The following ZNF66 variants were observed in gnomAD, a reference collection of about 807,000 sequenced individuals.
ZNF66 encodes zinc finger protein 66.
A neutral mutation model predicts 35.2 loss-of-function variants in ZNF66; 32 were observed. The observed-to-expected ratio is 0.91, with a 90% CI of 0.69 to 1.22. The LOEUF (loss-of-function observed/expected upper bound fraction) is 1.22. ZNF66 is among the 50% of genes most tolerant of loss of function. The pLI is 0.00. For synonymous variants in ZNF66, 231 were observed against 181.3 expected (o/e 1.27, Z -2.20); for missense variants, 666 against 543.1 (o/e 1.23, Z -2.25).
At chr19:20,789,194 A>G (rs950719578) in intron 1 of ZNF66, among the ~76,000 whole-genome samples, 4 of 152,150 alleles carry the variant, frequency 2.6e-5, no homozygotes, top group African/African-American at 9.7e-5. Flanking sequence ...CTTTTAGGTA[A>G]CCTTTGAAAA....
chr19:20,805,593 C>T (rs1337730767), intron 3 of ZNF66, among the ~76,000 whole-genome samples: 2 of 151,834 alleles, frequency 1.3e-5, no homozygotes, highest in East Asian at 3.9e-4. Context: ...TGGCTCTTTG[C>T]ATTGTACTCA....
chr19:20,805,745 T>C, intron 3 of ZNF66, 82 bp from the exon 4 acceptor site: 1 of 450,530 alleles, frequency 2.2e-6, no homozygotes, highest in Non-Finnish European at 4.0e-6. Context: ...ATGTAGTTTG[T>C]ATAATTTTAT....
At position 20,807,091 on chromosome 19, in the gene ZNF66, T is replaced by G. The variant is rs1165305022; in HGVS notation, c.1491T>G (p.Thr497=). The G allele has an allele frequency of 3.8e-6, 3 of 794,084 alleles. No individual in the cohort carries two copies. Among genetic ancestry groups the G allele is most frequent in the Non-Finnish European group, 6.8e-6 (3 of 441,836 alleles). The allele number at this position is 794,084 out of a possible 1,614,324, so 49.2% of individuals were successfully genotyped here. The change falls in exon 4 of 4, where the codon ACT becomes ACG. Residue 497 remains threonine, a synonymous_variant. Transcript: ENST00000344519. ...GKAFKCSSIL[T]THKRIHTADK... is the part of the protein sequence containing the mutation. ...CCTTTAAGTGCTCCTCTATTCTTAC[T>G]ACACATAAGAGAATTCATACTGCAG...
intron 3 of ZNF66, among the ~76,000 whole-genome samples, chr19:20,796,091 A>G (rs1971389269): frequency 6.6e-6 from 1 of 152,140 alleles, no homozygotes; most frequent in African/African-American, 2.4e-5. Flanking sequence ...GTCTTGCTAC[A>G]TAACCCAGGC....
In ZNF66 at chr19:20,809,815, A is replaced by C. The variant is rs143135359; in HGVS notation, c.*2493A>C. Among the ~76,000 whole-genome samples the C allele has an allele frequency of 3.7e-3, 562 of 152,272 alleles. 11 individuals are homozygous for C. The highest frequency in any genetic ancestry group is 0.033 in the South Asian group (159 of 4,820). On this transcript the variant is annotated 3_prime_UTR_variant, in exon 4 of 4. Coordinates refer to ENST00000344519, the MANE Select transcript of ZNF66 (RefSeq NM_001355197.2). ...AGCTAACATCATAATGACAGCATCA[A>C]ATTCTCACATAACAATATTAGCTTT...
rs184207193 is a variant in ZNF66, at chr19:20,793,834, A to T, written c.182A>T (p.Lys61Ile). ...ATCACCCATCTGGAGCAAGGAAAAA[A>T]ACCTTCGACTATGCAGAGACATGAG... is the stretch of plus-strand genomic sequence containing the variant. ...DLITHLEQGK[K>I]PSTMQRHEMV... is the part of the protein sequence containing the mutation. Residue 61 changes from lysine (K) to isoleucine (I), a missense_variant, in exon 3 of 4, where the codon AAA (lysine) becomes ATA (isoleucine). Coordinates refer to ENST00000344519, the MANE Select transcript of ZNF66 (RefSeq NM_001355197.2). 1.7e-6 allele frequency: 2 copies of T among 1,171,158 alleles called. No homozygotes were observed. The highest frequency in any genetic ancestry group is 2.4e-6 in the Non-Finnish European group (2 of 834,000). The allele number at this position is 1,171,158 out of a possible 1,614,324, so 72.5% of individuals were successfully genotyped here. A position where few individuals can be genotyped will look rare whatever the true frequency, so the allele number is the denominator to read the frequency against.
intron 1 of ZNF66, among the ~76,000 whole-genome samples, chr19:20,786,661 A>G (rs1176294318): frequency 2.9e-5 from 2 of 69,878 alleles, no homozygotes; most frequent in African/African-American, 8.9e-5. Flanking sequence ...AAGTGCAGTT[A>G]CATCTTTATC....
Position 20,806,658 on chromosome 19 carries a change from C to G in ZNF66, c.1058C>G (p.Ser353Cys), listed in dbSNP as rs753221080. The G allele has an allele frequency of 7.0e-5, 107 of 1,520,822 alleles. No individual in the cohort carries two copies. The highest frequency in any genetic ancestry group is 1.7e-4 in the Admixed American group (10 of 59,816). The allele number at this position is 1,520,822 out of a possible 1,614,324, so 94.2% of individuals were successfully genotyped here. ...CEECGKGFKYSSTLTKHKIIH... is the reference protein window; with the variant it reads ...CEECGKGFKYCSTLTKHKIIH... ...GAATGTGGCAAAGGCTTTAAGTACT[C>G]CTCTACCCTTACTAAACATAAAATA... is the stretch of plus-strand genomic sequence containing the variant. The change falls in exon 4 of 4, where the codon TCC becomes TGC. Residue 353 changes from serine (S) to cysteine (C), a missense_variant. Transcript: ENST00000344519.
intron 3 of ZNF66, chr19:20,794,222 T>A (rs1971370317): frequency 7.9e-6 from 2 of 253,514 alleles, no homozygotes; most frequent in Non-Finnish European, 1.5e-5. Flanking sequence ...TTCCTAATTT[T>A]GAGAAACTGA....
intron 1 of ZNF66, among the ~76,000 whole-genome samples, chr19:20,789,191 G>A (rs1199932947): frequency 6.6e-6 from 1 of 152,138 alleles, no homozygotes; most frequent in Non-Finnish European, 1.5e-5. Context: ...TTTCTTTTAG[G>A]TAACCTTTGA....
rs1971510848 is a variant in ZNF66, at chr19:20,806,445, A to G, written c.845A>G (p.Glu282Gly). 1 of 1,546,808 alleles carries G rather than the reference A, an allele frequency of 6.5e-7. No homozygotes were observed. The highest frequency in any genetic ancestry group is 8.9e-7 in the Non-Finnish European group (1 of 1,119,230). ...ACACATAAGAGAATTCATACTGGAG[A>G]GAAACCCTACAAATGTGAAGAATGT... Reference protein sequence around the residue: ...LTTHKRIHTGEKPYKCEECGK... With the variant: ...LTTHKRIHTGGKPYKCEECGK... Residue 282 changes from glutamate (E) to glycine (G), a missense_variant, in exon 4 of 4, where the codon GAG (glutamate) becomes GGG (glycine). Transcript: ENST00000344519.
chr19:20,795,018 T>C (rs2162792), intron 3 of ZNF66, among the ~76,000 whole-genome samples: 118,934 of 151,738 alleles, frequency 0.78, 46,886 homozygotes, highest in Non-Finnish European at 0.83. Flanking sequence ...ATTACAGGTG[T>C]TCACCACAAC....
In ZNF66 at chr19:20,807,282, G is replaced by A. The variant is rs1212827881; in HGVS notation, c.1682G>A (p.Gly561Glu). 4 of 671,036 alleles carry A rather than the reference G, an allele frequency of 6.0e-6. No individual in the cohort carries two copies. The highest frequency in any genetic ancestry group is 5.1e-5 in the Admixed American group (2 of 39,214). The allele number at this position is 671,036 out of a possible 1,614,324, so 41.6% of individuals were successfully genotyped here. ...AGTAGACATGAGATAATTCATATGG[G>A]AGGGAATCCCTACAAATGTGAAAAT... ...NLSRHEIIHM[G>E]GNPYKCENVA... Residue 561 changes from glycine to glutamate, a missense_variant, in exon 4 of 4, where the codon GGA becomes GAA. Gly to Glu is a moderately conservative substitution (Grantham distance 98). Coordinates refer to ENST00000344519, the MANE Select transcript of ZNF66 (RefSeq NM_001355197.2).
intron 3 of ZNF66, among the ~76,000 whole-genome samples, chr19:20,794,913 C>A (rs1971377012): frequency 7.0e-6 from 1 of 142,436 alleles, no homozygotes; most frequent in Admixed American, 7.1e-5. Flanking sequence ...CTCTTTTTGC[C>A]CAGGCTAAAG....
chr19:20,794,070 G>T, intron 3 of ZNF66, 192 bp downstream of exon 3: 1 of 583,500 alleles, frequency 1.7e-6, no homozygotes, highest in Non-Finnish European at 3.0e-6. Flanking sequence ...ATTGTCTTAT[G>T]CTTCTAAATT....
At chr19:20,783,314 T>G (rs372323425) in intron 1 of ZNF66, among the ~76,000 whole-genome samples, 15 of 152,232 alleles carry the variant, frequency 9.9e-5, no homozygotes, top group Middle Eastern at 3.2e-3. Flanking sequence ...AGTTCAAAAC[T>G]ATTTAAAAAG....
chr19:20,800,339 C>T (rs1169788271), intron 3 of ZNF66, among the ~76,000 whole-genome samples: 1 of 152,130 alleles, frequency 6.6e-6, no homozygotes, highest in Non-Finnish European at 1.5e-5. Flanking sequence ...GGTATGTGTC[C>T]TAACAGAATA....
At chr19:20,792,127 G>GA (rs1369764932) in intron 1 of ZNF66, among the ~76,000 whole-genome samples, 2 of 151,134 alleles carry the variant, frequency 1.3e-5, no homozygotes, top group African/African-American at 2.4e-5. Context: ...AGATCTTCTG[G>GA]AAAAAAACCC....
At chr19:20,800,292 G>A (rs996766136) in intron 3 of ZNF66, among the ~76,000 whole-genome samples, 2 of 152,178 alleles carry the variant, frequency 1.3e-5, no homozygotes, top group Non-Finnish European at 2.9e-5. Context: ...CAGGAGCCAT[G>A]GCACCCAGTA....
Sources: allele counts gnomAD v4.1 joint callset (sites outside exome capture counted in the v4.1 genomes callset), GRCh38; gene constraint gnomAD v4.1.1; transcripts MANE v1.5; gene names NCBI Gene and HGNC (gene_info 2026-07-23, HGNC 2026-07-21).